The following MACROD2 variants were observed in gnomAD, a reference collection of about 807,000 sequenced individuals.
MACROD2 encodes the protein mono-ADP ribosylhydrolase 2, also known as ADP-ribose glycohydrolase MACROD2.
In MACROD2, 36 loss-of-function variants were observed where a neutral mutation model predicts 70.4. That is an observed-to-expected ratio of 0.51 (90% confidence interval 0.39 to 0.68). MACROD2 has a LOEUF of 0.68. Ranked by LOEUF, MACROD2 falls within the 30% of genes least tolerant of loss-of-function variation. MACROD2 has a pLI of 0.00. For missense variants in MACROD2, 496 were observed against 538.4 expected (o/e 0.92, Z 0.78); for synonymous variants, 172 against 178.8 (o/e 0.96, Z 0.30).
chr20:14,121,096 TC>T, intron 3 of MACROD2, among the ~76,000 whole-genome samples: 1 of 152,306 alleles, frequency 6.6e-6, no homozygotes, highest in Non-Finnish European at 1.5e-5. Context: ...TAATATTGTT[TC>T]TATTAGCTTA....
chr20:14,957,606 G>A (rs2122757188), intron 5 of MACROD2, among the ~76,000 whole-genome samples: 1 of 152,252 alleles, frequency 6.6e-6, no homozygotes, highest in East Asian at 1.9e-4. Flanking sequence ...GCTTAGTCTG[G>A]GCTCAGCAGG....
intron 15 of MACROD2, among the ~76,000 whole-genome samples, chr20:16,008,780 TC>T (rs1418988989): frequency 6.6e-6 from 1 of 152,224 alleles, no homozygotes; most frequent in Non-Finnish European, 1.5e-5. Flanking sequence ...GGAAAACCTC[TC>T]ATTTGTTTGT....
intron 5 of MACROD2, among the ~76,000 whole-genome samples, chr20:14,810,470 C>A (rs2072695563): frequency 6.6e-6 from 1 of 152,002 alleles, no homozygotes; most frequent in Non-Finnish European, 1.5e-5. Context: ...ATGAAAAACC[C>A]ACAGCCAATA....
chr20:14,936,950 A>C (rs2074345277), intron 5 of MACROD2, among the ~76,000 whole-genome samples: 1 of 152,212 alleles, frequency 6.6e-6, no homozygotes, highest in African/African-American at 2.4e-5. Flanking sequence ...AGCAGGAGAA[A>C]ATAAACAAAA....
intron 6 of MACROD2, among the ~76,000 whole-genome samples, chr20:15,382,347 C>T (rs981581304): frequency 6.6e-6 from 1 of 151,986 alleles, no homozygotes; most frequent in Admixed American, 6.6e-5. Context: ...CAGCTCCCAT[C>T]CAATAAACTG....
intron 3 of MACROD2, among the ~76,000 whole-genome samples, chr20:14,436,982 T>G (rs1295860472): frequency 6.6e-5 from 10 of 152,176 alleles, no homozygotes; most frequent in African/African-American, 2.4e-4. Context: ...GAAGTGGATT[T>G]TCACTTATAC....
intron 5 of MACROD2, among the ~76,000 whole-genome samples, chr20:14,746,621 T>C (rs1279720888): frequency 2.0e-5 from 3 of 152,186 alleles, no homozygotes; most frequent in East Asian, 3.8e-4. Context: ...ATTTGATAAA[T>C]AACTGTATCT....
At chr20:15,704,559 T>A (rs899982966) in intron 8 of MACROD2, among the ~76,000 whole-genome samples, 1 of 152,230 alleles carries the variant, frequency 6.6e-6, no homozygotes, top group Non-Finnish European at 1.5e-5. Flanking sequence ...TAAATATTTA[T>A]ATGAATCATG....
intron 2 of MACROD2, among the ~76,000 whole-genome samples, chr20:14,042,562 G>A (rs983020324): frequency 2.6e-5 from 4 of 152,078 alleles, no homozygotes; most frequent in African/African-American, 7.2e-5. Flanking sequence ...ACAGTGGTGC[G>A]ATCTCAGCTC....
intron 5 of MACROD2, among the ~76,000 whole-genome samples, chr20:15,059,509 G>A (rs1249072996): frequency 6.6e-6 from 1 of 152,202 alleles, no homozygotes; most frequent in African/African-American, 2.4e-5. Flanking sequence ...GGGATTATTA[G>A]AACAAACTAT....
intron 13 of MACROD2, among the ~76,000 whole-genome samples, chr20:15,980,398 T>G (rs879030594): frequency 6.6e-6 from 1 of 152,240 alleles, no homozygotes; most frequent in Non-Finnish European, 1.5e-5. Context: ...TTCTCACTCT[T>G]ATTTTTGCTA....
At chr20:14,281,261 A>G (rs1335690107) in intron 3 of MACROD2, among the ~76,000 whole-genome samples, 1 of 152,206 alleles carries the variant, frequency 6.6e-6, no homozygotes, top group Non-Finnish European at 1.5e-5. Flanking sequence ...TGAAGTACTG[A>G]TATTTATTAC....
In MACROD2 at chr20:14,082,398, T is replaced by TA. The variant is rs1464813275; in HGVS notation, c.164-3222dup. 1.3e-3 allele frequency among the ~76,000 whole-genome samples: 193 copies of TA among 150,748 alleles called. 2 individuals are homozygous for TA. Among genetic ancestry groups the TA allele is most frequent in the African/African-American group, 4.6e-3 (189 of 41,158 alleles). ...TAGTAGAGACGGAGTTTCACCATGT[T>TA]AGCCAGGATGGTCTTGATCTCCTGA... is the stretch of plus-strand genomic sequence containing the variant. On this transcript the variant is annotated intron_variant, in intron 2 of 17. Transcript: ENST00000684519.
chr20:15,477,061 T>C (rs149114550), intron 7 of MACROD2, among the ~76,000 whole-genome samples: 2,447 of 151,916 alleles, frequency 0.016, 43 homozygotes, highest in African/African-American at 0.045. Context: ...TTCTATAGTG[T>C]TTTTGCTCCC....
At chr20:14,903,166 C>T (rs1181459791) in intron 5 of MACROD2, among the ~76,000 whole-genome samples, 1 of 151,572 alleles carries the variant, frequency 6.6e-6, no homozygotes, top group Non-Finnish European at 1.5e-5. Flanking sequence ...CTCAGCCTCC[C>T]GAGTAGCTGG....
At chr20:15,338,331 C>T (rs574352328) in intron 6 of MACROD2, among the ~76,000 whole-genome samples, 1 of 151,828 alleles carries the variant, frequency 6.6e-6, no homozygotes, top group African/African-American at 2.4e-5. Flanking sequence ...TGATGAATTC[C>T]TTTCCCAGAG....
In MACROD2 at chr20:14,266,165, G is replaced by T. The variant is rs373488462; in HGVS notation, c.271+180437G>T. Among the ~76,000 whole-genome samples the T allele has an allele frequency of 3.3e-5, 5 of 152,232 alleles. No homozygotes were observed. The East Asian group carries it at 9.7e-4, about 29-fold the overall frequency. ...TTCTCCAAATCCTCAGCTTTAAGAA[G>T]ATAGAATATAATACACATTCTCTAG... On this transcript the variant is annotated intron_variant, in intron 3 of 17. Coordinates refer to ENST00000684519, the MANE Select transcript of MACROD2 (RefSeq NM_001351661.2).
chr20:15,254,929 CTT>C (rs762538763), intron 6 of MACROD2, among the ~76,000 whole-genome samples: 1,425 of 80,496 alleles, frequency 0.018, 18 homozygotes, highest in African/African-American at 0.051. Context: ...CAAAGCACAC[CTT>C]TTTTTTTTTT....
At chr20:14,617,482 A>G (rs1983549842) in intron 4 of MACROD2, among the ~76,000 whole-genome samples, 1 of 151,946 alleles carries the variant, frequency 6.6e-6, no homozygotes, top group Non-Finnish European at 1.5e-5. Context: ...GTAAACACAA[A>G]CCATTCTCTA....
Sources: allele counts gnomAD v4.1 joint callset (sites outside exome capture counted in the v4.1 genomes callset), GRCh38; gene constraint gnomAD v4.1.1; transcripts MANE v1.5; gene names NCBI Gene and HGNC (gene_info 2026-07-23, HGNC 2026-07-21).